The following SHC1 variants were observed in gnomAD, a reference collection of about 807,000 sequenced individuals.
SHC1 encodes SHC-transforming protein 1.
Under a neutral mutation model 55.9 loss-of-function variants are expected in SHC1, and 30 were observed. The ratio of observed to expected loss-of-function variants is 0.54; its 90% confidence interval spans 0.40 to 0.73. The LOEUF (loss-of-function observed/expected upper bound fraction) is 0.73, where lower values mean the gene tolerates loss of function less well. SHC1 is among the 30% of genes least tolerant of loss of function. SHC1 has a pLI of 0.00. For synonymous variants in SHC1, 309 were observed against 306.1 expected, an observed-to-expected ratio of 1.01 and a Z score of -0.10; for missense variants, 675 against 777.1, an observed-to-expected ratio of 0.87 and a Z score of 1.56.
chr1:154,962,488 G>T lies in SHC1; in HGVS notation c.*1315C>A, dbSNP rs1001778390. On this transcript the variant is annotated 3_prime_UTR_variant, in exon 12 of 12. Coordinates refer to ENST00000448116, the MANE Select transcript of SHC1 (RefSeq NM_001130040.2). ...CTAGGCTGGGCCGGGCCTGTAGAAGGTACTCAGGAACTGCAGGTTTTGCGT... is the reference window on the plus strand; with the variant it reads ...CTAGGCTGGGCCGGGCCTGTAGAAGTTACTCAGGAACTGCAGGTTTTGCGT... 1.3e-5 allele frequency: 2 copies of T among 152,612 alleles called. No individual in the cohort carries two copies. The highest frequency in any genetic ancestry group is 2.9e-5 in the Non-Finnish European group (2 of 68,048). 9.5% of individuals were successfully genotyped at this position (152,612 alleles called of 1,614,324 possible).
At position 154,970,208 on chromosome 1, in the gene SHC1, G is replaced by A. The variant is rs1656571960; in HGVS notation, c.319C>T (p.Leu107Phe). The change falls in exon 1 of 12, where the codon CTC (leucine) becomes TTC (phenylalanine). Residue 107 changes from leucine (L) to phenylalanine (F), a missense_variant. Coordinates refer to ENST00000448116, the MANE Select transcript of SHC1 (RefSeq NM_001130040.2). The surrounding 1 kb of genome is among the most constrained non-coding windows in gnomAD (Gnocchi z 5.5). ...AAMPDSGPLP[L>F]LQDMNKLSGG... ...CTCAGCTTGTTCATGTCCTGGAGGAGGGGTAGGGGGCCTGAGTCTGGCATG... is the reference window on the plus strand; with the variant it reads ...CTCAGCTTGTTCATGTCCTGGAGGAAGGGTAGGGGGCCTGAGTCTGGCATG... The A allele has an allele frequency of 5.0e-6, 8 of 1,613,752 alleles. No individual in the cohort carries two copies. Among genetic ancestry groups the A allele is most frequent in the Non-Finnish European group, 6.8e-6 (8 of 1,179,902 alleles).
At chr1:154,968,380 C>T (rs1221502496) in intron 4 of SHC1, 115 bp downstream of exon 4, 2 of 1,551,932 alleles carry the variant, frequency 1.3e-6, no homozygotes, top group African/African-American at 1.4e-5. Context: ...CTCATTTCCT[C>T]CTTCCCTACT....
At position 154,968,193 on chromosome 1, in the gene SHC1, C is replaced by G; in HGVS notation, c.804+11G>C. On this transcript the variant is annotated intron_variant, in intron 5 of 11. Transcript: ENST00000448116. ...CTTCTCCCACCGCCTTTGCTCTGTT[C>G]CCCAACTCACCGGATCCCCGCCGGA... 1.2e-6 allele frequency: 2 copies of G among 1,613,812 alleles called. No individual in the cohort carries two copies. The highest frequency in any genetic ancestry group is 1.7e-6 in the Non-Finnish European group (2 of 1,179,726).
At chr1:154,965,812 T>G in intron 10 of SHC1, 31 bp from the exon 11 acceptor site, 1 of 1,591,242 alleles carries the variant, frequency 6.3e-7, no homozygotes, top group Non-Finnish European at 8.6e-7. Flanking sequence ...TGAGGGGAAG[T>G]AGCAGGCACA....
At position 154,970,534 on chromosome 1, in the gene SHC1, G is replaced by A. The variant is rs1327672159; in HGVS notation, c.-8C>T. The A allele has an allele frequency of 6.3e-7, 1 of 1,590,802 alleles. No homozygotes were observed. Among genetic ancestry groups the A allele is most frequent in the South Asian group, 1.1e-5 (1 of 87,648 alleles). On this transcript the variant is annotated 5_prime_UTR_variant, in exon 1 of 12. Coordinates refer to ENST00000448116, the MANE Select transcript of SHC1 (RefSeq NM_001130040.2). This position sits in a 1 kb window ranked among gnomAD's most constrained non-coding sequence, Gnocchi z 5.5. ...GGGGGGCAGGAGATCCATAGTTGAG[G>A]TGAAAGAGGGGCTGCTGCCCAGCCT...
At chr1:154,965,442 C>T (rs746810133) in intron 11 of SHC1, 101 bp downstream of exon 11, 31 of 1,612,660 alleles carry the variant, frequency 1.9e-5, no homozygotes, top group South Asian at 2.2e-5. Flanking sequence ...AGCTGCCCAG[C>T]GGGAATGTCT....
chr1:154,967,847 C>A (rs1382934326), intron 6 of SHC1, 50 bp from the exon 7 acceptor site: 1 of 1,608,918 alleles, frequency 6.2e-7, no homozygotes, highest in Non-Finnish European at 8.5e-7. Context: ...TGGGAGGAGG[C>A]ACAGACAGGG....
upstream of SHC1, among the ~76,000 whole-genome samples, chr1:154,971,116 G>A (rs1368445762): frequency 2.0e-5 from 3 of 152,072 alleles, no homozygotes; most frequent in African/African-American, 7.2e-5. Context: ...GCAGCTGGGG[G>A]TGGAAAAGGG....
intron 6 of SHC1, 54 bp downstream of exon 6, chr1:154,967,926 C>CT (rs1656217783): frequency 1.2e-6 from 2 of 1,607,916 alleles, no homozygotes; most frequent in South Asian, 2.2e-5. Context: ...ACCAAAGGTC[C>CT]TACTCACCTC....
At chr1:154,971,969 C>T (rs553051354), upstream of SHC1, among the ~76,000 whole-genome samples, 24 of 152,040 alleles carry the variant, frequency 1.6e-4, 1 homozygote, top group Admixed American at 1.4e-3. Context: ...GTATTCCTAC[C>T]GGGCGCGGTG....
At position 154,966,236 on chromosome 1, in the gene SHC1, A is replaced by G. The variant is rs1571430930; in HGVS notation, c.1183-5T>C. ...CCCAACAGGCTGTCCTACAGGCTGC[A>G]GGGATAAAAATAAGGTGAGACCAGA... On this transcript the variant is annotated splice_region_variant and splice_polypyrimidine_tract_variant and intron_variant, in intron 8 of 11. Coordinates refer to ENST00000448116, the MANE Select transcript of SHC1 (RefSeq NM_001130040.2). The G allele has an allele frequency of 6.2e-7, 1 of 1,613,952 alleles. No homozygotes were observed. Among genetic ancestry groups the G allele is most frequent in the East Asian group, 2.2e-5 (1 of 44,892 alleles).
At chr1:154,971,156 C>G (rs566722850), upstream of SHC1, among the ~76,000 whole-genome samples, 22 of 152,178 alleles carry the variant, frequency 1.4e-4, no homozygotes, top group East Asian at 3.9e-3. Context: ...CATTTCCCTT[C>G]CTGTCCTGGT....
At position 154,970,722 on chromosome 1, in the gene SHC1, C is replaced by G; in HGVS notation, c.-196G>C. On this transcript the variant is annotated 5_prime_UTR_variant, in exon 1 of 12. Transcript: ENST00000448116. The surrounding 1 kb of genome is among the most constrained non-coding windows in gnomAD (Gnocchi z 5.5). ...GACCCAGACAGTTTCAGGCCCCATCCCCGCCCAACGTGGAGCCTCTTCTCT... is the reference window on the plus strand; with the variant it reads ...GACCCAGACAGTTTCAGGCCCCATCGCCGCCCAACGTGGAGCCTCTTCTCT... The G allele has an allele frequency of 2.0e-6, 1 of 505,236 alleles. No individual in the cohort carries two copies. Among genetic ancestry groups the G allele is most frequent in the South Asian group, 2.9e-5 (1 of 34,292 alleles). The allele number at this position is 505,236 out of a possible 1,614,324, so 31.3% of individuals were successfully genotyped here. A position where few individuals can be genotyped will look rare whatever the true frequency, so the allele number is the denominator to read the frequency against.
At chr1:154,968,909 G>C in intron 2 of SHC1, 75 bp from the exon 3 acceptor site, 1 of 1,387,890 alleles carries the variant, frequency 7.2e-7, no homozygotes. Context: ...CACAGGGCTG[G>C]GGGAGGGGAA....
chr1:154,963,955 G>C, intron 11 of SHC1, 24 bp from the exon 12 acceptor site: 1 of 1,613,530 alleles, frequency 6.2e-7, no homozygotes, highest in Non-Finnish European at 8.5e-7. Flanking sequence ...AAGGAAGAAG[G>C]TCAATTCAGG....
chr1:154,966,416 C>G lies in SHC1; in HGVS notation c.1085G>C (p.Gly362Ala), dbSNP rs746647299. 49 of 1,613,704 alleles carry G rather than the reference C, an allele frequency of 3.0e-5. No homozygotes were observed. In the South Asian group the frequency reaches 4.2e-4, roughly 14 times the overall value. ...TTCCCGAAGCCTCATGTCTACCACC[C>G]CCCCCAAGGGGGGTTCCTTCCCCGG... Reference protein sequence around the residue: ...DFPGKEPPLGGVVDMRLREGA... With the variant: ...DFPGKEPPLGAVVDMRLREGA... Residue 362 changes from glycine to alanine, a missense_variant, in exon 8 of 12, where the codon GGG becomes GCG. Gly to Ala is a moderately conservative substitution (Grantham distance 60). This residue lies in a region of SHC1 where 360 missense variants were observed against 371.1 expected (regional missense o/e 0.97). Coordinates refer to ENST00000448116, the MANE Select transcript of SHC1 (RefSeq NM_001130040.2).
In SHC1 at chr1:154,964,207, G is replaced by A. The variant is rs1655639805; in HGVS notation, c.1627-276C>T. 2 of 546,468 alleles carry A rather than the reference G, an allele frequency of 3.7e-6. 1 individual carries two copies. Among genetic ancestry groups the A allele is most frequent in the Admixed American group, 4.5e-5 (2 of 44,730 alleles). The allele number at this position is 546,468 out of a possible 1,614,324, so 33.9% of individuals were successfully genotyped here. On this transcript the variant is annotated intron_variant, in intron 11 of 11. Coordinates refer to ENST00000448116, the MANE Select transcript of SHC1 (RefSeq NM_001130040.2). Reference sequence around the variant, plus strand: ...ATACCCCTTTCTTGACCTGGAGGAAGTTGGCATGTCTCAGAAGAGTATACA... The same window carrying A: ...ATACCCCTTTCTTGACCTGGAGGAAATTGGCATGTCTCAGAAGAGTATACA...
upstream of SHC1, chr1:154,974,374 C>T: frequency 2.7e-6 from 1 of 366,322 alleles, no homozygotes; most frequent in South Asian, 2.7e-5. Context: ...CTTTATTACA[C>T]TCACTTCCGG....
At chr1:154,963,975 A>T in intron 11 of SHC1, 44 bp from the exon 12 acceptor site, 1 of 1,609,730 alleles carries the variant, frequency 6.2e-7, no homozygotes, top group Non-Finnish European at 8.5e-7. Context: ...GTGAAGAGTC[A>T]AATAAGACCT....
Sources: gnomAD v4.1 joint callset for allele counts (sites outside exome capture counted in the v4.1 genomes callset) on GRCh38, gnomAD v4.1.1 for gene constraint, gnomAD v4.1.1 regional missense constraint, Gnocchi (gnomAD v3.1) non-coding constraint, MANE v1.5 for transcripts, NCBI Gene and HGNC (gene_info 2026-07-23, HGNC 2026-07-21) for gene names.